The following DNAH5 variants were observed in gnomAD, a reference collection of about 807,000 sequenced individuals.
DNAH5 encodes the protein dynein axonemal heavy chain 5.
A neutral mutation model predicts 518.2 loss-of-function variants in DNAH5; 372 were observed. The observed-to-expected ratio is 0.72, with a 90% confidence interval of 0.66 to 0.78. The LOEUF is 0.78. DNAH5 is among the 30% of genes least tolerant of loss of function. The pLI, the probability that DNAH5 is intolerant of heterozygous loss-of-function variation, is 0.00. For missense variants in DNAH5, 5,523 were observed against 5,687.0 expected (o/e 0.97, Z 0.93); for synonymous variants, 2,039 against 2,025.9 (o/e 1.01, Z -0.17).
intron 59 of DNAH5, among the ~76,000 whole-genome samples, chr5:13,765,356 T>C (rs899041129): frequency 5.9e-4 from 90 of 152,168 alleles, no homozygotes; most frequent in African/African-American, 2.1e-3. Context: ...TTCACAGACA[T>C]GTTGAATGAA....
intron 76 of DNAH5, among the ~76,000 whole-genome samples, chr5:13,706,949 CTAAG>C (rs1267989160): frequency 6.6e-6 from 1 of 152,222 alleles, no homozygotes; most frequent in Non-Finnish European, 1.5e-5. Flanking sequence ...AAAGACCTAC[CTAAG>C]TGAGAACAGG....
intron 12 of DNAH5, among the ~76,000 whole-genome samples, chr5:13,909,410 T>G (rs1561550512): frequency 6.6e-6 from 1 of 152,126 alleles, no homozygotes; most frequent in Non-Finnish European, 1.5e-5. Flanking sequence ...TACTCACCTA[T>G]TTTCAGACCA....
chr5:13,845,918 C>G (rs1765936314), intron 31 of DNAH5, among the ~76,000 whole-genome samples: 1 of 149,980 alleles, frequency 6.7e-6, no homozygotes, highest in Admixed American at 6.6e-5. Context: ...GCGACCTCCA[C>G]TTCCCGGGTT....
chr5:13,843,971 C>T (rs1765615134), intron 32 of DNAH5, among the ~76,000 whole-genome samples: 1 of 152,188 alleles, frequency 6.6e-6, no homozygotes, highest in African/African-American at 2.4e-5. Flanking sequence ...TCATGATACA[C>T]CCTTCCTGGG....
intron 1 of DNAH5, among the ~76,000 whole-genome samples, chr5:13,982,444 ATGAG>A (rs1460069764): frequency 1.3e-5 from 2 of 151,570 alleles, no homozygotes; most frequent in African/African-American, 2.4e-5. Context: ...GCACTATTGC[ATGAG>A]TGAGTAGACA....
rs754987681 is a variant in DNAH5, at chr5:13,997,375, C to A, written c.12+14273G>T. Among the ~76,000 whole-genome samples, 7 of 152,192 alleles carry A rather than the reference C, an allele frequency of 4.6e-5. 1 individual carries two copies. Among genetic ancestry groups the A allele is most frequent in the East Asian group, 3.8e-4 (2 of 5,202 alleles). ...GACACAAAAACAATTCAGCCAAATT[C>A]TTTGTCACTTTATAATAAGGATGGC... On this transcript the variant is annotated intron_variant, in intron 1 of 78. Coordinates refer to the DNAH5 transcript ENST00000681290.
intron 1 of DNAH5, among the ~76,000 whole-genome samples, chr5:14,000,314 T>C (rs1784263583): frequency 6.6e-6 from 1 of 152,198 alleles, no homozygotes; most frequent in Admixed American, 6.5e-5. Flanking sequence ...CGCCAGGAGC[T>C]GGGAGCAAGG....
At chr5:13,794,148 T>A in intron 47 of DNAH5, 90 bp from the exon 48 acceptor site, 1 of 1,540,910 alleles carries the variant, frequency 6.5e-7, no homozygotes, top group Non-Finnish European at 8.9e-7. Flanking sequence ...CTGGTAACCT[T>A]TGAACTGATA....
At chr5:14,009,170 A>G (rs1472296811) in intron 1 of DNAH5, among the ~76,000 whole-genome samples, 1 of 152,252 alleles carries the variant, frequency 6.6e-6, no homozygotes, top group African/African-American at 2.4e-5. Flanking sequence ...AGCAAAGCCA[A>G]ATGCAAACAG....
intron 60 of DNAH5, among the ~76,000 whole-genome samples, chr5:13,760,898 T>C (rs1751680059): frequency 6.6e-6 from 1 of 152,204 alleles, no homozygotes; most frequent in African/African-American, 2.4e-5. Flanking sequence ...TCACTGCCTC[T>C]TCTACTCCTC....
intron 1 of DNAH5, among the ~76,000 whole-genome samples, chr5:13,987,139 C>G (rs1783107933): frequency 6.6e-6 from 1 of 152,034 alleles, no homozygotes. Context: ...AATAACCTGC[C>G]CTCATATTGA....
In DNAH5 at chr5:13,707,076, T is replaced by C. The variant is rs1742887361; in HGVS notation, c.13338+1047A>G. Among the ~76,000 whole-genome samples, 1 of 152,164 alleles carries C rather than the reference T, an allele frequency of 6.6e-6. No homozygotes were observed. The highest frequency in any genetic ancestry group is 1.5e-5 in the Non-Finnish European group (1 of 68,024). On this transcript the variant is annotated intron_variant, in intron 76 of 78. Coordinates refer to ENST00000265104, the MANE Select transcript of DNAH5 (RefSeq NM_001369.3). This position sits in a 1 kb window ranked among gnomAD's most constrained non-coding sequence, Gnocchi z 4.0. ...GGACCATAGCGGGCACACACACAAGTGGCTGGATGTTGAGAGGAGTAGAAG... is the reference window on the plus strand; with the variant it reads ...GGACCATAGCGGGCACACACACAAGCGGCTGGATGTTGAGAGGAGTAGAAG...
In DNAH5 at chr5:13,851,264, T is replaced by G. The variant is rs1766797457; in HGVS notation, c.4951-449A>C. On this transcript the variant is annotated intron_variant, in intron 30 of 78. Transcript: ENST00000265104. ...TATAACTGGAATATTGTAAAAAAAT[T>G]TAATGGAAAATGCACAGATTATCTT... Among the ~76,000 whole-genome samples, 3 of 152,228 alleles carry G rather than the reference T, an allele frequency of 2.0e-5. No homozygotes were observed. In the South Asian group the frequency reaches 6.2e-4, roughly 32 times the overall value.
At chr5:13,995,870 G>A (rs1484777570) in intron 1 of DNAH5, among the ~76,000 whole-genome samples, 1 of 152,162 alleles carries the variant, frequency 6.6e-6, no homozygotes, top group Non-Finnish European at 1.5e-5. Flanking sequence ...ATAATGGAGA[G>A]ATGGAATGCA....
chr5:13,989,732 C>T (rs1783376291), intron 1 of DNAH5, among the ~76,000 whole-genome samples: 1 of 152,134 alleles, frequency 6.6e-6, no homozygotes, highest in Non-Finnish European at 1.5e-5. Context: ...ATCCAGCCAC[C>T]TCGGCCTCCC....
intron 1 of DNAH5, among the ~76,000 whole-genome samples, chr5:13,963,197 C>T (rs1322850882): frequency 1.3e-5 from 2 of 152,138 alleles, no homozygotes; most frequent in Non-Finnish European, 2.9e-5. Flanking sequence ...TCTGAGATGA[C>T]ATACAACTCT....
At chr5:13,956,460 T>C (rs1780767119) in intron 1 of DNAH5, among the ~76,000 whole-genome samples, 1 of 152,226 alleles carries the variant, frequency 6.6e-6, no homozygotes, top group Non-Finnish European at 1.5e-5. Flanking sequence ...CTTGAAGGTG[T>C]CCTTTTTCAT....
At position 13,707,044 on chromosome 5, in the gene DNAH5, A is replaced by G. The variant is rs1350068493; in HGVS notation, c.13338+1079T>C. Among the ~76,000 whole-genome samples, 2 of 152,094 alleles carry G rather than the reference A, an allele frequency of 1.3e-5. No homozygotes were observed. The highest frequency in any genetic ancestry group is 2.9e-5 in the Non-Finnish European group (2 of 68,022). ...TGCCCCGCATCCTGTGCCCATATAA[A>G]CCCAAGGGACCATAGCGGGCACACA... On this transcript the variant is annotated intron_variant, in intron 76 of 78. Coordinates refer to ENST00000265104, the MANE Select transcript of DNAH5 (RefSeq NM_001369.3). The surrounding 1 kb of genome is among the most constrained non-coding windows in gnomAD (Gnocchi z 4.0).
intron 47 of DNAH5, among the ~76,000 whole-genome samples, chr5:13,800,428 G>C (rs1758569615): frequency 6.6e-6 from 1 of 152,146 alleles, no homozygotes; most frequent in African/African-American, 2.4e-5. Flanking sequence ...CCTTTGGGGT[G>C]CTCAATTCAG....
Sources: gnomAD v4.1 joint callset for allele counts (sites outside exome capture counted in the v4.1 genomes callset) on GRCh38, gnomAD v4.1.1 for gene constraint, Gnocchi (gnomAD v3.1) non-coding constraint, MANE v1.5 for transcripts, NCBI Gene and HGNC (gene_info 2026-07-23, HGNC 2026-07-21) for gene names.